The following RBFOX1 variants were observed in gnomAD, a reference collection of about 807,000 sequenced individuals.
RBFOX1 encodes the protein RNA binding protein fox-1 homolog 1.
Under a neutral mutation model 57.7 loss-of-function variants are expected in RBFOX1, and 8 were observed. The ratio of observed to expected loss-of-function variants is 0.14; its 90% CI spans 0.08 to 0.25. The LOEUF is 0.25. Among genes scored for constraint, RBFOX1 ranks in the 10% least tolerant of loss-of-function variants. RBFOX1 has a pLI of 1.00. For missense variants in RBFOX1, 611 were observed against 548.5 expected, an observed-to-expected ratio of 1.11 and a Z score of -1.14; for synonymous variants, 326 against 222.4, an observed-to-expected ratio of 1.47 and a Z score of -4.15.
At chr16:5,428,134 G>C (rs1459001477) in intron 1 of RBFOX1, among the ~76,000 whole-genome samples, 5 of 152,110 alleles carry the variant, frequency 3.3e-5, no homozygotes, top group East Asian at 1.9e-4. Flanking sequence ...GTGTGTGTGT[G>C]TGTGTGTGTG....
rs74004764 is a variant in RBFOX1, at chr16:6,114,650, T to C, written c.-127+94658T>C. ...TGTTTTTATGAGACAAACAATGATA[T>C]GCTTGCCTTGTCTGTTGGCACCAAA... On this transcript the variant is annotated intron_variant, in intron 1 of 15. Coordinates refer to ENST00000550418, the MANE Select transcript of RBFOX1 (RefSeq NM_018723.4). Among the ~76,000 whole-genome samples, 342 of 152,332 alleles carry C rather than the reference T, an allele frequency of 2.2e-3. 7 individuals are homozygous for C. The highest frequency in any genetic ancestry group is 7.4e-3 in the African/African-American group (306 of 41,570).
chr16:6,549,619 A>C lies in RBFOX1; in HGVS notation c.-63-104984A>C, dbSNP rs546333730. Among the ~76,000 whole-genome samples the C allele has an allele frequency of 1.4e-4, 21 of 151,812 alleles. No homozygotes were observed. The East Asian group carries it at 4.1e-3, about 30-fold the overall frequency. ...ACTTGAAGATACTGCAGCAAATTGT[A>C]GGGAAGGCTTTGATTGGCTAATTTG... On this transcript the variant is annotated intron_variant, in intron 2 of 15. Coordinates refer to ENST00000550418, the MANE Select transcript of RBFOX1 (RefSeq NM_018723.4).
rs1360100229 is a variant in RBFOX1, at chr16:7,597,419, C to T, written c.610C>T (p.Pro204Ser). The T allele has an allele frequency of 5.0e-6, 8 of 1,609,036 alleles. No individual in the cohort carries two copies. Among genetic ancestry groups the T allele is most frequent in the Non-Finnish European group, 6.8e-6 (8 of 1,176,608 alleles). ...RVMTNKKTVN[P>S]YTNGWKLNPV... ...AATGACAAATAAAAAGACCGTCAAC[C>T]CTTATACAAATGGTAAGTAGAGATT... Residue 204 changes from proline to serine, a missense_variant, in exon 9 of 16, where the codon CCT (proline) becomes TCT (serine). Pro to Ser is a moderately conservative substitution (Grantham distance 74). Coordinates refer to ENST00000550418, the MANE Select transcript of RBFOX1 (RefSeq NM_018723.4).
intron 4 of RBFOX1, among the ~76,000 whole-genome samples, chr16:7,465,898 C>T (rs1322900402): frequency 1.3e-5 from 2 of 152,030 alleles, no homozygotes; most frequent in African/African-American, 2.4e-5. Flanking sequence ...TTTTTTGCCC[C>T]AAAGCATCTC....
intron 1 of RBFOX1, among the ~76,000 whole-genome samples, chr16:6,161,116 C>A (rs1052422339): frequency 7.9e-5 from 12 of 152,154 alleles, no homozygotes; most frequent in African/African-American, 2.9e-4. Flanking sequence ...TGGCTGGGCA[C>A]AGTGACTCAT....
intron 3 of RBFOX1, among the ~76,000 whole-genome samples, chr16:5,784,834 G>A (rs572874135): frequency 3.9e-5 from 6 of 152,142 alleles, no homozygotes. Context: ...TATGAACCAG[G>A]AGGTAAGTCC....
intron 1 of RBFOX1, among the ~76,000 whole-genome samples, chr16:6,226,644 C>G (rs898509492): frequency 6.6e-6 from 1 of 152,076 alleles, no homozygotes; most frequent in Non-Finnish European, 1.5e-5. Flanking sequence ...GCATTGGCCT[C>G]CAAGAGCATT....
At chr16:5,343,484 T>TA (rs1219409352) in intron 1 of RBFOX1, among the ~76,000 whole-genome samples, 1 of 150,248 alleles carries the variant, frequency 6.7e-6, no homozygotes, top group Non-Finnish European at 1.5e-5. Flanking sequence ...CAGGCTAATT[T>TA]TTTTTTTTGT....
intron 1 of RBFOX1, chr16:6,037,137 T>C (rs377264320): frequency 3.9e-5 from 6 of 152,310 alleles, no homozygotes; most frequent in African/African-American, 7.2e-5. Flanking sequence ...ACAATCTCTG[T>C]ATGTCTTAAA....
At chr16:6,601,927 G>A (rs1287790495) in intron 2 of RBFOX1, among the ~76,000 whole-genome samples, 1 of 152,136 alleles carries the variant, frequency 6.6e-6, no homozygotes, top group Non-Finnish European at 1.5e-5. Flanking sequence ...CTTGACTAGT[G>A]GTAATGGGGT....
intron 3 of RBFOX1, among the ~76,000 whole-genome samples, chr16:7,025,082 G>T (rs1331216876): frequency 6.6e-6 from 1 of 152,164 alleles, no homozygotes; most frequent in Admixed American, 6.5e-5. Context: ...GTAGAGTGAA[G>T]CGAAAGTATG....
intron 3 of RBFOX1, among the ~76,000 whole-genome samples, chr16:6,852,073 C>T (rs74007109): frequency 0.05 from 7,668 of 151,964 alleles, 330 homozygotes; most frequent in African/African-American, 0.11. Flanking sequence ...CTACAGGCAC[C>T]TGCCACCACG....
intron 3 of RBFOX1, among the ~76,000 whole-genome samples, chr16:6,993,748 G>A (rs934457515): frequency 6.6e-6 from 1 of 152,096 alleles, no homozygotes; most frequent in South Asian, 2.1e-4. Flanking sequence ...CAGCTCCATG[G>A]GCATGGGGCA....
At chr16:7,629,685 T>G (rs2060628819) in intron 10 of RBFOX1, among the ~76,000 whole-genome samples, 1 of 152,230 alleles carries the variant, frequency 6.6e-6, no homozygotes, top group African/African-American at 2.4e-5. Context: ...AGTGGGTGGT[T>G]GTTCAAAATC....
At chr16:6,600,016 G>T (rs916596252) in intron 2 of RBFOX1, among the ~76,000 whole-genome samples, 2 of 152,150 alleles carry the variant, frequency 1.3e-5, no homozygotes, top group African/African-American at 4.8e-5. Flanking sequence ...CCAAAGCCCA[G>T]ATAACTGCAA....
chr16:6,962,246 C>G (rs527273617), intron 3 of RBFOX1, among the ~76,000 whole-genome samples: 3 of 152,186 alleles, frequency 2.0e-5, no homozygotes, highest in South Asian at 2.1e-4. Context: ...GTGTGTCAGA[C>G]CTCCCTCTCC....
intron 1 of RBFOX1, among the ~76,000 whole-genome samples, chr16:5,397,487 G>T (rs1291799618): frequency 6.6e-6 from 1 of 152,212 alleles, no homozygotes; most frequent in African/African-American, 2.4e-5. Flanking sequence ...ATGGACGGCG[G>T]AGTGTGCCAT....
At chr16:6,216,951 C>G (rs1423168416) in intron 1 of RBFOX1, among the ~76,000 whole-genome samples, 2 of 151,678 alleles carry the variant, frequency 1.3e-5, no homozygotes, top group African/African-American at 4.8e-5. Context: ...TTCTTCTGAT[C>G]GTTCACCTTT....
intron 4 of RBFOX1, among the ~76,000 whole-genome samples, chr16:7,400,689 A>C (rs544184039): frequency 1.3e-5 from 2 of 152,322 alleles, no homozygotes; most frequent in African/African-American, 4.8e-5. Context: ...TGATGTCCAC[A>C]GAGCTAGGGG....
Sources: allele counts gnomAD v4.1 joint callset (sites outside exome capture counted in the v4.1 genomes callset), GRCh38; gene constraint gnomAD v4.1.1; transcripts MANE v1.5; gene names NCBI Gene and HGNC (gene_info 2026-07-23, HGNC 2026-07-21).